Variants in FAM53A observed in about 807,000 individuals in gnomAD.
FAM53A encodes family with sequence similarity 53 member A.
In FAM53A, 28 loss-of-function variants were observed where a neutral mutation model predicts 26.6. The ratio of observed to expected loss-of-function variants is 1.05; its 90% CI spans 0.78 to 1.45. The LOEUF is 1.45. Among genes scored for constraint, FAM53A ranks in the 40% most tolerant of loss-of-function variants. The probability of loss-of-function intolerance (pLI) is 0.00; values close to 1 mark genes in which losing one functional copy is unlikely to be tolerated. For missense variants in FAM53A, 650 were observed against 575.8 expected (o/e 1.13, Z -1.32); for synonymous variants, 290 against 253.1 (o/e 1.15, Z -1.38).
At chr4:1,580,333 G>A in the FAM53A span, 3 of 152,174 alleles carry the variant, frequency 2.0e-5, no homozygotes, top group Admixed American at 6.5e-5. Context: ...CAGTCAGGGA[G>A]GCCAACGCCG....
chr4:1,684,356 C>A (rs1158883296), upstream of FAM53A: 4 of 148,614 alleles, frequency 2.7e-5, no homozygotes, highest in African/African-American at 4.9e-5. Context: ...CCCCTCCGGC[C>A]GCCCTCATTG....
intron 1 of FAM53A, among the ~76,000 whole-genome samples, chr4:1,622,434 G>A (rs1413210793): frequency 6.6e-6 from 1 of 152,226 alleles, no homozygotes; most frequent in African/African-American, 2.4e-5. Context: ...GCCAGGCCCT[G>A]GCCCCACGGC....
chr4:1,620,300 G>C (rs1281425639), intron 1 of FAM53A, among the ~76,000 whole-genome samples: 8 of 151,974 alleles, frequency 5.3e-5, no homozygotes, highest in African/African-American at 1.9e-4. Context: ...AGTGTGCCTG[G>C]ACACAGCTGT....
downstream of FAM53A, among the ~76,000 whole-genome samples, chr4:1,616,517 G>A (rs115045245): frequency 8.8e-3 from 1,254 of 142,928 alleles, 17 homozygotes; most frequent in African/African-American, 0.035. Flanking sequence ...GCGAGACTCC[G>A]TCTCACGTCT....
Position 1,640,303 on chromosome 4 carries a change from T to C in FAM53A, c.*990A>G. On this transcript the variant is annotated 3_prime_UTR_variant, in exon 5 of 5. Coordinates refer to ENST00000308132, the MANE Select transcript of FAM53A (RefSeq NM_001174070.3). ...GGGTGACAAGGTTCATGGGCACAGA[T>C]GCCCATGCGCAAGCCCCAAGCACCG... 5.1e-6 allele frequency: 1 copy of C among 195,028 alleles called. No individual in the cohort carries two copies. The highest frequency in any genetic ancestry group is 8.9e-5 in the South Asian group (1 of 11,210). 12.1% of individuals were successfully genotyped at this position (195,028 alleles called of 1,614,324 possible). A position where few individuals can be genotyped will look rare whatever the true frequency, so the allele number is the denominator to read the frequency against.
In FAM53A at chr4:1,630,736, G is replaced by T. The variant is rs536326782; in HGVS notation, c.432-12625C>A. On this transcript the variant is annotated intron_variant, in intron 1 of 1. Coordinates refer to the FAM53A transcript ENST00000489029. The surrounding 1 kb of genome is among the most constrained non-coding windows in gnomAD (Gnocchi z 4.3). ...CTCCACAGAGACAACAAGCGGAGGG[G>T]AGGCTGCCAGGGCAGGGCAGGGTGG... Among the ~76,000 whole-genome samples, 2 of 152,324 alleles carry T rather than the reference G, an allele frequency of 1.3e-5. No individual in the cohort carries two copies. The highest frequency in any genetic ancestry group is 4.8e-5 in the African/African-American group (2 of 41,578).
chr4:1,593,165 G>C, the FAM53A span, among the ~76,000 whole-genome samples: 1 of 152,192 alleles, frequency 6.6e-6, no homozygotes, highest in African/African-American at 2.4e-5. Context: ...TGGGTCGGGG[G>C]CCGGGGGCAT....
At chr4:1,681,070 G>T (rs1002387080) in intron 1 of FAM53A, among the ~76,000 whole-genome samples, 2 of 152,132 alleles carry the variant, frequency 1.3e-5, no homozygotes, top group African/African-American at 4.8e-5. Context: ...TCCTGCATGT[G>T]TGAGGGCAGA....
chr4:1,610,240 G>A, the FAM53A span, among the ~76,000 whole-genome samples: 4 of 149,702 alleles, frequency 2.7e-5, no homozygotes, highest in African/African-American at 7.4e-5. Context: ...CACTCAACGC[G>A]CTGCCCCCAC....
chr4:1,676,701 G>C (rs1475935), intron 1 of FAM53A, among the ~76,000 whole-genome samples: 107,150 of 152,046 alleles, frequency 0.7, 38,162 homozygotes, highest in East Asian at 0.94. Context: ...GGACTGTGCC[G>C]CAGCGCGCCC....
chr4:1,599,221 G>A, the FAM53A span, among the ~76,000 whole-genome samples: 5 of 146,578 alleles, frequency 3.4e-5, no homozygotes, highest in African/African-American at 5.0e-5. The surrounding 1 kb of genome is among the most constrained non-coding windows in gnomAD (Gnocchi z 6.1). Context: ...CCAGGGTGCC[G>A]GAGCGCAGGG....
intron 2 of FAM53A, among the ~76,000 whole-genome samples, chr4:1,660,885 A>AT (rs1713782515): frequency 6.6e-6 from 1 of 152,012 alleles, no homozygotes; most frequent in Admixed American, 6.5e-5. Flanking sequence ...CATCTCAAAA[A>AT]AAAAAAAACT....
chr4:1,653,641 G>C (rs1713071273), intron 4 of FAM53A, among the ~76,000 whole-genome samples: 1 of 152,210 alleles, frequency 6.6e-6, no homozygotes, highest in East Asian at 1.9e-4. Flanking sequence ...AAAGATCAGA[G>C]CCTTCTCTAA....
intron 1 of FAM53A, among the ~76,000 whole-genome samples, chr4:1,626,490 C>T (rs1715309680): frequency 6.6e-6 from 1 of 151,780 alleles, no homozygotes; most frequent in Non-Finnish European, 1.5e-5. Context: ...ATGCCCTGAG[C>T]CCGGGGGGAC....
chr4:1,654,495 G>A (rs755772583), intron 4 of FAM53A, among the ~76,000 whole-genome samples: 13 of 152,258 alleles, frequency 8.5e-5, no homozygotes, highest in African/African-American at 1.7e-4. Context: ...GTCCCAAAGC[G>A]CACAGGCGCT....
At chr4:1,661,859 C>A (rs1438174835) in intron 2 of FAM53A, among the ~76,000 whole-genome samples, 1 of 152,078 alleles carries the variant, frequency 6.6e-6, no homozygotes, top group African/African-American at 2.4e-5. Flanking sequence ...CATGGTTACA[C>A]AGAGTGCACC....
chr4:1,605,769 G>T, the FAM53A span, among the ~76,000 whole-genome samples: 1 of 152,144 alleles, frequency 6.6e-6, no homozygotes, highest in African/African-American at 2.4e-5. The surrounding 1 kb of genome is among the most constrained non-coding windows in gnomAD (Gnocchi z 5.7). Context: ...GAAACCCTGG[G>T]GCGGGCACAG....
intron 1 of FAM53A, among the ~76,000 whole-genome samples, chr4:1,676,521 T>G (rs1715054562): frequency 6.6e-6 from 1 of 152,170 alleles, no homozygotes; most frequent in Non-Finnish European, 1.5e-5. Flanking sequence ...GTATTTTATT[T>G]CACCACGGCG....
chr4:1,610,230 C>G, the FAM53A span, among the ~76,000 whole-genome samples: 77 of 152,184 alleles, frequency 5.1e-4, no homozygotes, highest in Middle Eastern at 0.01. Flanking sequence ...CCCTACACCC[C>G]ACTCAACGCG....
Sources: gnomAD v4.1 joint callset for allele counts (sites outside exome capture counted in the v4.1 genomes callset) on GRCh38, gnomAD v4.1.1 for gene constraint, Gnocchi (gnomAD v3.1) non-coding constraint, MANE v1.5 for transcripts, NCBI Gene and HGNC (gene_info 2026-07-23, HGNC 2026-07-21) for gene names.